The following PLXDC2 variants were observed in gnomAD, a reference collection of about 807,000 sequenced individuals.
PLXDC2 encodes the protein plexin domain-containing protein 2.
PLXDC2 carries 40 observed loss-of-function variants against 68.9 expected under a neutral mutation model. The observed-to-expected ratio is 0.58, with a 90% CI of 0.45 to 0.76. The LOEUF (loss-of-function observed/expected upper bound fraction) is 0.76, where lower values mean the gene tolerates loss of function less well. PLXDC2 is among the 30% of genes least tolerant of loss of function. The pLI, the probability that PLXDC2 is intolerant of heterozygous loss-of-function variation, is 0.00. For synonymous variants in PLXDC2, 243 were observed against 234.2 expected, an observed-to-expected ratio of 1.04 and a Z score of -0.34; for missense variants, 644 against 661.9, an observed-to-expected ratio of 0.97 and a Z score of 0.30.
intron 13 of PLXDC2, among the ~76,000 whole-genome samples, chr10:20,252,140 C>A (rs1401387415): frequency 6.6e-6 from 1 of 152,028 alleles, no homozygotes; most frequent in Non-Finnish European, 1.5e-5. Flanking sequence ...TGGAGTTTGC[C>A]TGTAAATAGT....
intron 4 of PLXDC2, among the ~76,000 whole-genome samples, chr10:20,137,666 G>T (rs1474986391): frequency 6.6e-6 from 1 of 152,212 alleles, no homozygotes; most frequent in Non-Finnish European, 1.5e-5. Flanking sequence ...TCCAATGAGG[G>T]AGAGTACATA....
chr10:20,012,162 T>C (rs1233596873), intron 2 of PLXDC2, among the ~76,000 whole-genome samples: 1 of 152,132 alleles, frequency 6.6e-6, no homozygotes, highest in Non-Finnish European at 1.5e-5. Flanking sequence ...TCTAAACATA[T>C]GTATGAAAAG....
In PLXDC2 at chr10:19,970,502, T is replaced by C. The variant is rs567817624; in HGVS notation, c.113-31273T>C. Among the ~76,000 whole-genome samples, 15 of 152,308 alleles carry C rather than the reference T, an allele frequency of 9.8e-5. No individual in the cohort carries two copies. In the East Asian group the frequency reaches 2.9e-3, roughly 29 times the overall value. On this transcript the variant is annotated intron_variant, in intron 1 of 13. Transcript: ENST00000377252. ...TATATATGATGAAAGCCCTGTTGGATTACACACATCACCCTTCAGATTTCA... is the reference window on the plus strand; with the variant it reads ...TATATATGATGAAAGCCCTGTTGGACTACACACATCACCCTTCAGATTTCA...
chr10:19,833,124 G>A (rs1228811771), intron 1 of PLXDC2, among the ~76,000 whole-genome samples: 1 of 152,178 alleles, frequency 6.6e-6, no homozygotes, highest in Non-Finnish European at 1.5e-5. Context: ...AAAAAGGGCA[G>A]GGCAAGGCAT....
intron 1 of PLXDC2, among the ~76,000 whole-genome samples, chr10:19,905,465 G>C (rs1833141738): frequency 6.6e-6 from 1 of 152,128 alleles, no homozygotes; most frequent in Non-Finnish European, 1.5e-5. Flanking sequence ...TTGTTTTGGG[G>C]TTCTCTTGTA....
intron 1 of PLXDC2, among the ~76,000 whole-genome samples, chr10:19,993,559 A>G (rs1834787940): frequency 6.6e-6 from 1 of 152,094 alleles, no homozygotes; most frequent in South Asian, 2.1e-4. Flanking sequence ...AGCTGGGATT[A>G]CAGGCATGCG....
intron 7 of PLXDC2, among the ~76,000 whole-genome samples, chr10:20,165,061 G>A (rs1834356243): frequency 6.6e-6 from 1 of 152,072 alleles, no homozygotes; most frequent in Non-Finnish European, 1.5e-5. Context: ...GAGCTTAAGT[G>A]GTCTTCCTGC....
At chr10:19,833,947 C>CTT (rs34795606) in intron 1 of PLXDC2, among the ~76,000 whole-genome samples, 3 of 140,494 alleles carry the variant, frequency 2.1e-5, no homozygotes, top group Non-Finnish European at 3.1e-5. Context: ...TCATATTTTG[C>CTT]TTTTTTTTTT....
chr10:19,988,470 ATAT>A (rs200027851), intron 1 of PLXDC2, among the ~76,000 whole-genome samples: 3,899 of 152,252 alleles, frequency 0.026, 82 homozygotes, highest in Middle Eastern at 0.058. Flanking sequence ...AAAATAGATA[ATAT>A]TTAAGATTAG....
At chr10:19,885,173 G>A (rs1837818437) in intron 1 of PLXDC2, among the ~76,000 whole-genome samples, 1 of 152,030 alleles carries the variant, frequency 6.6e-6, no homozygotes, top group Admixed American at 6.6e-5. Context: ...GCCTGTTCAT[G>A]TCCTTTGCCC....
intron 1 of PLXDC2, among the ~76,000 whole-genome samples, chr10:19,853,294 A>G (rs1377063845): frequency 2.6e-5 from 4 of 152,232 alleles, no homozygotes; most frequent in Non-Finnish European, 5.9e-5. Flanking sequence ...ACTGCAAAGA[A>G]TGTGAACATT....
chr10:19,874,625 G>T (rs1180441141), intron 1 of PLXDC2, among the ~76,000 whole-genome samples: 1 of 152,182 alleles, frequency 6.6e-6, no homozygotes. Flanking sequence ...TATTGCTAAA[G>T]GACTGAATGC....
chr10:19,881,466 T>C (rs1837726590), intron 1 of PLXDC2, among the ~76,000 whole-genome samples: 1 of 152,126 alleles, frequency 6.6e-6, no homozygotes, highest in Non-Finnish European at 1.5e-5. Flanking sequence ...TTGACTCCTT[T>C]ACACCGAGAC....
At chr10:20,251,013 A>T (rs999650482) in intron 13 of PLXDC2, among the ~76,000 whole-genome samples, 2 of 152,210 alleles carry the variant, frequency 1.3e-5, no homozygotes, top group African/African-American at 4.8e-5. Flanking sequence ...AGGAAATGAG[A>T]TAATTAAGCA....
intron 1 of PLXDC2, among the ~76,000 whole-genome samples, chr10:19,898,038 C>G (rs1230284355): frequency 6.6e-6 from 1 of 152,054 alleles, no homozygotes; most frequent in South Asian, 2.1e-4. Context: ...GTACCACATA[C>G]TTGAAAGTTT....
At chr10:20,063,017 T>C (rs56005817) in intron 3 of PLXDC2, among the ~76,000 whole-genome samples, 15,815 of 152,124 alleles carry the variant, frequency 0.1, 970 homozygotes, top group South Asian at 0.29. Context: ...TGAAAAAAAA[T>C]CATAAATACC....
At chr10:19,893,091 G>C (rs1185683317) in intron 1 of PLXDC2, among the ~76,000 whole-genome samples, 1 of 152,066 alleles carries the variant, frequency 6.6e-6, no homozygotes, top group Non-Finnish European at 1.5e-5. Context: ...CTGTTTCAAG[G>C]GGGTTAGCAT....
chr10:20,181,066 A>G (rs1031533892), intron 9 of PLXDC2, among the ~76,000 whole-genome samples: 1 of 152,180 alleles, frequency 6.6e-6, no homozygotes, highest in South Asian at 2.1e-4. Flanking sequence ...AAATAGATAT[A>G]TAGAAAGCAG....
At chr10:20,026,667 C>G (rs1487450886) in intron 2 of PLXDC2, among the ~76,000 whole-genome samples, 1 of 152,020 alleles carries the variant, frequency 6.6e-6, no homozygotes, top group Non-Finnish European at 1.5e-5. Flanking sequence ...AACCACCAAA[C>G]AAGAGCAGAT....
Sources: gnomAD v4.1 joint callset for allele counts (sites outside exome capture counted in the v4.1 genomes callset) on GRCh38, gnomAD v4.1.1 for gene constraint, MANE v1.5 for transcripts, NCBI Gene and HGNC (gene_info 2026-07-23, HGNC 2026-07-21) for gene names.